GSE1: variants seen among roughly 807,000 people sequenced by gnomAD.
The protein encoded by GSE1 is genetic suppressor element 1.
GSE1 carries 32 observed loss-of-function variants against 112.6 expected under a neutral mutation model. The observed-to-expected ratio is 0.28, with a 90% CI of 0.21 to 0.38. GSE1 has a LOEUF of 0.38. Among genes scored for constraint, GSE1 ranks in the 10% least tolerant of loss-of-function variants. The pLI, the probability that GSE1 is intolerant of heterozygous loss-of-function variation, is 1.00. For synonymous variants in GSE1, 1,115 were observed against 735.6 expected, an observed-to-expected ratio of 1.52 and a Z score of -8.35; for missense variants, 2,348 against 1,699.2, an observed-to-expected ratio of 1.38 and a Z score of -6.71.
intron 2 of GSE1, 44 bp downstream of exon 2, chr16:85,634,176 C>T (rs571845741): frequency 1.5e-6 from 2 of 1,325,118 alleles, no homozygotes; most frequent in Admixed American, 3.6e-5. Context: ...GCGGCGGCTC[C>T]CGAGGCCGGG....
intron 2 of GSE1, among the ~76,000 whole-genome samples, chr16:85,641,546 C>A (rs1048865625): frequency 2.0e-5 from 3 of 152,236 alleles, no homozygotes; most frequent in African/African-American, 7.2e-5. Context: ...TCCTGCTTCT[C>A]CCTGGAACGC....
chr16:85,310,226 C>G (rs1429318366), intron 1 of GSE1, among the ~76,000 whole-genome samples: 1 of 152,168 alleles, frequency 6.6e-6, no homozygotes, highest in East Asian at 1.9e-4. Flanking sequence ...GGAGAGGACC[C>G]GGGAGGGGTG....
intron 1 of GSE1, among the ~76,000 whole-genome samples, chr16:85,322,830 G>A (rs572469804): frequency 6.6e-5 from 10 of 152,090 alleles, no homozygotes; most frequent in African/African-American, 2.2e-4. Flanking sequence ...TGGCCAGGCT[G>A]GTCTCGAACT....
chr16:85,397,219 AC>A (rs1245765066), intron 2 of GSE1, among the ~76,000 whole-genome samples: 1 of 152,164 alleles, frequency 6.6e-6, no homozygotes, highest in African/African-American at 2.4e-5. Flanking sequence ...CAAAGCAGAC[AC>A]TTTTCTCCCC....
intron 2 of GSE1, among the ~76,000 whole-genome samples, chr16:85,380,636 C>T (rs1339562152): frequency 2.6e-5 from 4 of 152,186 alleles, no homozygotes; most frequent in Non-Finnish European, 5.9e-5. Flanking sequence ...CTGCATTAGA[C>T]GGTAGCTATT....
chr16:85,178,981 G>T (rs1268088866), intron 1 of GSE1, among the ~76,000 whole-genome samples: 1 of 152,120 alleles, frequency 6.6e-6, no homozygotes, highest in Non-Finnish European at 1.5e-5. Context: ...AAGCATGGTG[G>T]TTTTTGTTGT....
chr16:85,425,540 G>C (rs1447796144), intron 2 of GSE1, among the ~76,000 whole-genome samples: 1 of 152,200 alleles, frequency 6.6e-6, no homozygotes, highest in East Asian at 1.9e-4. Flanking sequence ...GCGGGATTTG[G>C]AGCGGAGCCA....
At chr16:85,434,042 G>T (rs1428345534) in intron 2 of GSE1, among the ~76,000 whole-genome samples, 1 of 152,116 alleles carries the variant, frequency 6.6e-6, no homozygotes, top group African/African-American at 2.4e-5. Flanking sequence ...GAGGGCCTGT[G>T]GGCACCAATC....
At chr16:85,389,460 CA>C (rs59509773) in intron 2 of GSE1, among the ~76,000 whole-genome samples, 6,828 of 77,822 alleles carry the variant, frequency 0.088, 436 homozygotes, top group African/African-American at 0.29. Context: ...ACTCTGTCTC[CA>C]AAAAAAAAAA....
rs555916697 is a variant in GSE1, at chr16:85,419,899, G to T, written c.2464+62256G>T. 3.9e-5 allele frequency among the ~76,000 whole-genome samples: 6 copies of T among 152,280 alleles called. No homozygotes were observed. The highest frequency in any genetic ancestry group is 6.5e-5 in the Admixed American group (1 of 15,308). ...GCTCTGGGAGGGTCAGAGTCGGGGG[G>T]ACTGGGCTGGAACAGAACTGAGGGA... is the stretch of plus-strand genomic sequence containing the variant. On this transcript the variant is annotated intron_variant, in intron 2 of 2. Transcript: ENST00000637419. This position sits in a 1 kb window ranked among gnomAD's most constrained non-coding sequence, Gnocchi z 6.5.
At chr16:85,398,697 C>A (rs2048022372) in intron 2 of GSE1, among the ~76,000 whole-genome samples, 1 of 152,128 alleles carries the variant, frequency 6.6e-6, no homozygotes, top group African/African-American at 2.4e-5. Context: ...GATGCTACAA[C>A]TTTAGTGTCA....
intron 1 of GSE1, among the ~76,000 whole-genome samples, chr16:85,184,609 C>G (rs1459972126): frequency 1.3e-5 from 2 of 152,224 alleles, no homozygotes; most frequent in Non-Finnish European, 2.9e-5. Context: ...GCATGTTCCT[C>G]TAAGCACTGC....
intron 2 of GSE1, among the ~76,000 whole-genome samples, chr16:85,638,997 G>T (rs75389843): frequency 0.034 from 5,239 of 152,214 alleles, 242 homozygotes; most frequent in African/African-American, 0.11. Flanking sequence ...GAGTGCCCGG[G>T]CCCCACGCAG....
chr16:85,507,317 G>A lies in GSE1; in HGVS notation c.2465-126597G>A, dbSNP rs182789836. ...GGTATCCGGTTTGGAAACTGAGCGG[G>A]GGGCTGTGGTAGGCGACCCCACAAG... On this transcript the variant is annotated intron_variant, in intron 2 of 2. Transcript: ENST00000637419. 1.1e-4 allele frequency among the ~76,000 whole-genome samples: 17 copies of A among 152,312 alleles called. No homozygotes were observed. The East Asian group carries it at 2.7e-3, about 24-fold the overall frequency.
intron 1 of GSE1, among the ~76,000 whole-genome samples, chr16:85,579,685 A>G (rs1198095270): frequency 1.3e-5 from 2 of 152,240 alleles, no homozygotes; most frequent in East Asian, 1.9e-4. Context: ...AGAGTCCTCC[A>G]AGGAGCCCCA....
rs2047337058 is a variant in GSE1, at chr16:85,373,098, C to T, written c.2464+15455C>T. 6.6e-6 allele frequency among the ~76,000 whole-genome samples: 1 copy of T among 152,250 alleles called. No individual in the cohort carries two copies. The highest frequency in any genetic ancestry group is 2.4e-5 in the African/African-American group (1 of 41,470). ...TGTGAGGGCAGTGGGCTGTGGCCTT[C>T]TAGGCCCAGGTCCTCTGCCAGGACA... On this transcript the variant is annotated intron_variant, in intron 2 of 2. Coordinates refer to the GSE1 transcript ENST00000637419. The surrounding 1 kb of genome is among the most constrained non-coding windows in gnomAD (Gnocchi z 5.1).
chr16:85,384,400 T>C (rs1039135582), intron 2 of GSE1, among the ~76,000 whole-genome samples: 98 of 152,338 alleles, frequency 6.4e-4, no homozygotes, highest in African/African-American at 2.2e-3. Context: ...CTGTGTGACC[T>C]CAGACCATTC....
intron 1 of GSE1, among the ~76,000 whole-genome samples, chr16:85,325,224 C>T (rs1328321566): frequency 6.6e-6 from 1 of 152,080 alleles, no homozygotes; most frequent in Non-Finnish European, 1.5e-5. Flanking sequence ...CCACCTCAGT[C>T]TCTCAAAGTA....
chr16:85,545,509 C>CA (rs2044665038), intron 2 of GSE1, among the ~76,000 whole-genome samples: 2 of 152,130 alleles, frequency 1.3e-5, no homozygotes, highest in Non-Finnish European at 2.9e-5. Context: ...GTTGAAAATA[C>CA]AGGGCCTGGC....
Sources: allele counts gnomAD v4.1 joint callset (sites outside exome capture counted in the v4.1 genomes callset), GRCh38; gene constraint gnomAD v4.1.1; non-coding constraint Gnocchi (gnomAD v3.1); transcripts MANE v1.5; gene names NCBI Gene and HGNC (gene_info 2026-07-23, HGNC 2026-07-21).